COL8A1: variants seen among roughly 807,000 people sequenced by gnomAD.
COL8A1 encodes collagen type VIII alpha 1 chain, also known as collagen alpha-1(VIII) chain.
A neutral mutation model predicts 42.7 loss-of-function variants in COL8A1; 21 were observed. The observed-to-expected ratio is 0.49, with a 90% CI of 0.35 to 0.71. The LOEUF (loss-of-function observed/expected upper bound fraction) is 0.71, where lower values mean the gene tolerates loss of function less well. Among genes scored for constraint, COL8A1 ranks in the 30% least tolerant of loss-of-function variants. The pLI is 0.01. For missense variants in COL8A1, 788 were observed against 962.4 expected, an observed-to-expected ratio of 0.82 and a Z score of 2.40; for synonymous variants, 367 against 369.1, an observed-to-expected ratio of 0.99 and a Z score of 0.06.
At chr3:99,679,716 A>G (rs1328897047) in intron 1 of COL8A1, 1 of 152,190 alleles carries the variant, frequency 6.6e-6, no homozygotes, top group African/African-American at 2.4e-5. Context: ...CATTTTCAGA[A>G]CTATTCTAGT....
chr3:99,739,738 G>A (rs1940845297), intron 1 of COL8A1, among the ~76,000 whole-genome samples: 1 of 152,120 alleles, frequency 6.6e-6, no homozygotes, highest in South Asian at 2.1e-4. Context: ...TTCTTCCCAG[G>A]CCTCTGGGCC....
chr3:99,670,206 T>A (rs954669213), intron 1 of COL8A1, among the ~76,000 whole-genome samples: 2 of 152,094 alleles, frequency 1.3e-5, no homozygotes, highest in African/African-American at 4.8e-5. Context: ...AAAATATTTT[T>A]AAGTAAGAAC....
intron 2 of COL8A1, among the ~76,000 whole-genome samples, chr3:99,758,955 C>T (rs1941312774): frequency 6.6e-6 from 1 of 152,108 alleles, no homozygotes; most frequent in Non-Finnish European, 1.5e-5. Flanking sequence ...CTATTATTGG[C>T]CTTGACACTT....
rs769284042 is a variant in COL8A1, at chr3:99,795,725, T to A, written c.1824T>A (p.Asn608Lys). 1.9e-6 allele frequency: 3 copies of A among 1,613,930 alleles called. No homozygotes were observed. The highest frequency in any genetic ancestry group is 2.5e-6 in the Non-Finnish European group (3 of 1,179,966). The change falls in exon 4 of 4, where the codon AAT (asparagine) becomes AAA (lysine). Residue 608 changes from asparagine to lysine, a missense_variant. By Grantham distance (94) the Asn-to-Lys change is moderately conservative. Coordinates refer to ENST00000652472, the MANE Select transcript of COL8A1 (RefSeq NM_020351.4). ...CCTACGGGGCTAAGAAAGGCAAGAA[T>A]GGAGGGCCAGCCTATGAGATGCCTG... ...PHAYGAKKGK[N>K]GGPAYEMPAF...
intron 1 of COL8A1, among the ~76,000 whole-genome samples, chr3:99,687,733 A>G (rs549007451): frequency 1.3e-5 from 2 of 152,236 alleles, no homozygotes; most frequent in Non-Finnish European, 2.9e-5. Context: ...AATGTATTAT[A>G]CTAATAACAT....
intron 1 of COL8A1, among the ~76,000 whole-genome samples, chr3:99,714,203 G>T (rs1271545482): frequency 6.6e-6 from 1 of 152,076 alleles, no homozygotes; most frequent in Non-Finnish European, 1.5e-5. Context: ...TGTAATGCAA[G>T]TAGCTCTATC....
intron 1 of COL8A1, among the ~76,000 whole-genome samples, chr3:99,723,099 T>C (rs1260592610): frequency 6.6e-6 from 1 of 151,966 alleles, no homozygotes; most frequent in African/African-American, 2.4e-5. Flanking sequence ...GTTGTGTGTT[T>C]AGCAGATGTA....
At chr3:99,694,456 A>G (rs1330788267) in intron 1 of COL8A1, among the ~76,000 whole-genome samples, 3 of 152,130 alleles carry the variant, frequency 2.0e-5, no homozygotes, top group Non-Finnish European at 4.4e-5. Flanking sequence ...AGTCTGGGCA[A>G]CAAAGTGAGA....
chr3:99,657,857 C>T (rs183284674), intron 1 of COL8A1, among the ~76,000 whole-genome samples: 45 of 152,234 alleles, frequency 3.0e-4, no homozygotes, highest in Admixed American at 1.6e-3. Flanking sequence ...GGACCGGGCA[C>T]GGTGGCTCAC....
At chr3:99,670,829 A>G (rs1185211232) in intron 1 of COL8A1, among the ~76,000 whole-genome samples, 1 of 151,876 alleles carries the variant, frequency 6.6e-6, no homozygotes, top group Admixed American at 6.6e-5. Flanking sequence ...CAACTTTTTT[A>G]GAGTCCACAT....
At chr3:99,686,972 TGCTGGGATTACAG>T (rs1233508943) in intron 1 of COL8A1, among the ~76,000 whole-genome samples, 1 of 152,198 alleles carries the variant, frequency 6.6e-6, no homozygotes, top group Non-Finnish European at 1.5e-5. Context: ...CCTCCCAAAG[TGCTGGGATTACAG>T]GCATGAGCCA....
At chr3:99,734,109 C>T (rs1940620196) in intron 1 of COL8A1, among the ~76,000 whole-genome samples, 2 of 151,884 alleles carry the variant, frequency 1.3e-5, no homozygotes, top group Admixed American at 6.6e-5. Flanking sequence ...TGCCTGTTAA[C>T]TCTGATGGTA....
At chr3:99,662,777 C>T (rs1370416026) in intron 1 of COL8A1, among the ~76,000 whole-genome samples, 1 of 152,128 alleles carries the variant, frequency 6.6e-6, no homozygotes, top group African/African-American at 2.4e-5. Flanking sequence ...ATCTTTAGTG[C>T]TCTGTGGCTT....
intron 1 of COL8A1, among the ~76,000 whole-genome samples, chr3:99,737,733 T>C (rs1475314276): frequency 6.6e-6 from 1 of 152,122 alleles, no homozygotes; most frequent in Non-Finnish European, 1.5e-5. Context: ...GGAGTATCTT[T>C]GTGGCATTCT....
chr3:99,705,688 C>T lies in COL8A1; in HGVS notation c.-128-39209C>T, dbSNP rs115854546. 6.4e-3 allele frequency among the ~76,000 whole-genome samples: 968 copies of T among 152,142 alleles called. 5 individuals carry two copies. Among genetic ancestry groups the T allele is most frequent in the Non-Finnish European group, 0.01 (690 of 68,004 alleles). On this transcript the variant is annotated intron_variant, in intron 1 of 3. Coordinates refer to ENST00000652472, the MANE Select transcript of COL8A1 (RefSeq NM_020351.4). ...GCACAAAAAGACAATGATTCATGTT[C>T]CTAAAATGAGAAGATCTCAAAAGTT...
At chr3:99,719,054 C>T (rs144226059) in intron 1 of COL8A1, among the ~76,000 whole-genome samples, 302 of 152,140 alleles carry the variant, frequency 2.0e-3, no homozygotes, top group African/African-American at 6.8e-3. Context: ...ACTTACCATT[C>T]CTGTGTCTCA....
At chr3:99,657,671 T>C (rs1938065974) in intron 1 of COL8A1, among the ~76,000 whole-genome samples, 1 of 152,172 alleles carries the variant, frequency 6.6e-6, no homozygotes, top group Admixed American at 6.5e-5. Context: ...CCTGATACAG[T>C]AGAGGAGCTA....
intron 2 of COL8A1, among the ~76,000 whole-genome samples, chr3:99,747,221 C>T (rs1011683961): frequency 2.0e-5 from 3 of 152,140 alleles, no homozygotes; most frequent in Non-Finnish European, 2.9e-5. Context: ...AGAACATAGA[C>T]ATTTTGGTAG....
Position 99,725,028 on chromosome 3 carries a change from G to A in COL8A1, c.-128-19869G>A, listed in dbSNP as rs149425736. 7.9e-5 allele frequency among the ~76,000 whole-genome samples: 12 copies of A among 152,114 alleles called. No individual in the cohort carries two copies. The East Asian group carries it at 2.3e-3, about 29-fold the overall frequency. ...TAAGGATTAAATGATGTATAATATA[G>A]TTAAAGTATACTTGACACAGAGCCT... On this transcript the variant is annotated intron_variant, in intron 1 of 3. Transcript: ENST00000652472.
Sources: gnomAD v4.1 joint callset for allele counts (sites outside exome capture counted in the v4.1 genomes callset) on GRCh38, gnomAD v4.1.1 for gene constraint, MANE v1.5 for transcripts, NCBI Gene and HGNC (gene_info 2026-07-23, HGNC 2026-07-21) for gene names.